Variants in ALPK3 observed in about 807,000 individuals in gnomAD.
The protein encoded by ALPK3 is alpha kinase 3.
ALPK3 carries 102 observed loss-of-function variants against 140.0 expected under a neutral mutation model. That is an observed-to-expected ratio of 0.73 (90% CI 0.62 to 0.86). The LOEUF (loss-of-function observed/expected upper bound fraction) is 0.86, where lower values mean the gene tolerates loss of function less well. Among genes scored for constraint, ALPK3 ranks in the 40% least tolerant of loss-of-function variants. The pLI, the probability that ALPK3 is intolerant of heterozygous loss-of-function variation, is 0.00. For missense variants in ALPK3, 2,254 were observed against 2,208.2 expected, an observed-to-expected ratio of 1.02 and a Z score of -0.42; for synonymous variants, 938 against 898.5, an observed-to-expected ratio of 1.04 and a Z score of -0.79.
intron 13 of ALPK3, among the ~76,000 whole-genome samples, chr15:84,867,666 G>A (rs760633836): frequency 3.7e-4 from 56 of 152,140 alleles, no homozygotes; most frequent in Non-Finnish European, 1.6e-4. Flanking sequence ...GTCCTGTGAT[G>A]AGAGTGCGGA....
Position 84,857,849 on chromosome 15 carries a change from C to T in ALPK3, c.3111C>T (p.Ser1037=). ...AQTLLLSPCT[S]RRLTGLLDRE... is the part of the protein sequence containing the mutation. ...CCCTGCTGCTGAGCCCCTGTACCTC[C>T]CGCCGCCTCACCGGCCTCCTGGACC... The change falls in exon 6 of 14, where the codon TCC becomes TCT. Residue 1037 remains serine, a synonymous_variant. Coordinates refer to ENST00000258888, the MANE Select transcript of ALPK3 (RefSeq NM_020778.5). 6.2e-7 allele frequency: 1 copy of T among 1,611,954 alleles called. No individual in the cohort carries two copies. Among genetic ancestry groups the T allele is most frequent in the Middle Eastern group, 1.7e-4 (1 of 6,052 alleles).
Position 84,857,107 on chromosome 15 carries a change from T to C in ALPK3, c.2369T>C (p.Val790Ala). 6.2e-7 allele frequency: 1 copy of C among 1,614,150 alleles called. No homozygotes were observed. The highest frequency in any genetic ancestry group is 1.1e-5 in the South Asian group (1 of 91,082). ...VTASRNHEQT[V>A]LGPLSGNLML... ...GCCTCCAGGAACCATGAGCAAACTG[T>C]GCTGGGTCCCCTGTCAGGGAACCTC... The change falls in exon 6 of 14, where the codon GTG (valine) becomes GCG (alanine). Residue 790 changes from valine to alanine, a missense_variant. Val to Ala is a moderately conservative substitution (Grantham distance 64, BLOSUM62 0). Around this residue, in one of 3 missense-constraint regions of ALPK3, gnomAD observed 2,088 missense variants for 2,022.9 expected, o/e 1.03. Coordinates refer to ENST00000258888, the MANE Select transcript of ALPK3 (RefSeq NM_020778.5).
chr15:84,832,032 C>A (rs1253611757), intron 3 of ALPK3, among the ~76,000 whole-genome samples: 1 of 152,142 alleles, frequency 6.6e-6, no homozygotes, highest in Non-Finnish European at 1.5e-5. Flanking sequence ...ACTCTCAGGG[C>A]AGATTTTTAC....
Position 84,859,915 on chromosome 15 carries a change from C to T in ALPK3, c.4093+12C>T. The T allele has an allele frequency of 1.2e-6, 2 of 1,613,926 alleles. No individual in the cohort carries two copies. The highest frequency in any genetic ancestry group is 1.7e-6 in the Non-Finnish European group (2 of 1,179,994). ...CCTCAGCCCTGAGGGTGAGTGTGCC[C>T]CGCGGCCCGGGGTCTCAGCCTGGCC... On this transcript the variant is annotated intron_variant, in intron 8 of 13. Transcript: ENST00000258888.
Position 84,817,512 on chromosome 15 carries a change from G to C in ALPK3, c.60G>C (p.Gly20=), listed in dbSNP as rs1447968795. Residue 20 remains glycine, a synonymous_variant, in exon 1 of 14, where the codon GGG becomes GGC. Coordinates refer to ENST00000258888, the MANE Select transcript of ALPK3 (RefSeq NM_020778.5). ...GWGAGGRSGA[G]GDGEDDGPVW... The stretch of plus-strand genomic sequence containing the variant: ...GCGCGGGTGGGCGGTCGGGGGCGGG[G>C]GGCGACGGTGAGGACGACGGCCCCG... 1.4e-6 allele frequency: 2 copies of C among 1,477,280 alleles called. No individual in the cohort carries two copies. Among genetic ancestry groups the C allele is most frequent in the South Asian group, 1.3e-5 (1 of 78,644 alleles). The allele number at this position is 1,477,280 out of a possible 1,614,324, so 91.5% of individuals were successfully genotyped here. A position where few individuals can be genotyped will look rare whatever the true frequency, so the allele number is the denominator to read the frequency against.
intron 3 of ALPK3, among the ~76,000 whole-genome samples, chr15:84,832,825 G>A (rs1468579373): frequency 2.0e-5 from 3 of 152,212 alleles, no homozygotes; most frequent in Non-Finnish European, 4.4e-5. Flanking sequence ...AACAGCGGCT[G>A]CAGTGGGGAC....
At position 84,859,148 on chromosome 15, in the gene ALPK3, T is replaced by G. The variant is rs1963906490; in HGVS notation, c.3818-95T>G. Reference sequence around the variant, plus strand: ...GTCTGTGTGGAGACTTGAATCCTGTTTTCTCCCAGCCTTTTCCACCAAGGA... The same window carrying G: ...GTCTGTGTGGAGACTTGAATCCTGTGTTCTCCCAGCCTTTTCCACCAAGGA... On this transcript the variant is annotated intron_variant, in intron 6 of 13. Transcript: ENST00000258888. 3.9e-6 allele frequency: 6 copies of G among 1,533,680 alleles called. No homozygotes were observed. In the East Asian group the frequency reaches 1.4e-4, roughly 35 times the overall value.
rs758116902 is a variant in ALPK3 at position 84,857,070 on chromosome 15, G to A, written c.2332G>A (p.Ala778Thr). Residue 778 changes from alanine to threonine, a missense_variant, in exon 6 of 14, where the codon GCA becomes ACA. This residue lies in a region of ALPK3 where 2,088 missense variants were observed against 2,022.9 expected (regional missense o/e 1.03). Coordinates refer to ENST00000258888, the MANE Select transcript of ALPK3 (RefSeq NM_020778.5). ...TGGTTGCCTGCCCAGATCTGAGGAGGCAGTAGTAACAGCCTCCAGGAACCA... is the reference window on the plus strand; with the variant it reads ...TGGTTGCCTGCCCAGATCTGAGGAGACAGTAGTAACAGCCTCCAGGAACCA... ...KPGCLPRSEEAVVTASRNHEQ... is the reference protein window; with the variant it reads ...KPGCLPRSEETVVTASRNHEQ... 1.2e-6 allele frequency: 2 copies of A among 1,614,174 alleles called. No individual in the cohort carries two copies. The highest frequency in any genetic ancestry group is 2.2e-5 in the South Asian group (2 of 91,080).
chr15:84,858,983 C>G (rs1000774457), intron 6 of ALPK3, among the ~76,000 whole-genome samples: 23 of 152,174 alleles, frequency 1.5e-4, no homozygotes, highest in African/African-American at 5.6e-4. Context: ...CAACTGCTGT[C>G]TGCGTCCTCA....
intron 6 of ALPK3, 34 bp downstream of exon 6, chr15:84,858,589 A>G (rs1366334607): frequency 3.2e-6 from 5 of 1,538,688 alleles, no homozygotes; most frequent in East Asian, 2.3e-5. Flanking sequence ...ATGGCTTCAC[A>G]GGACAGGGCC....
chr15:84,840,067 T>G lies in ALPK3; in HGVS notation c.788T>G (p.Leu263Trp), dbSNP rs200829097. The G allele has an allele frequency of 6.2e-7, 1 of 1,613,892 alleles. No individual in the cohort carries two copies. The highest frequency in any genetic ancestry group is 8.5e-7 in the Non-Finnish European group (1 of 1,179,972). Reference sequence around the variant, plus strand: ...ACTGAGACTGCTCAGCACTCAGGTTTGGGCCTGATCAACAGTTTTGCTTCT... The same window carrying G: ...ACTGAGACTGCTCAGCACTCAGGTTGGGGCCTGATCAACAGTTTTGCTTCT... ...GETETAQHSG[L>W]GLINSFASGE... The change falls in exon 5 of 14, where the codon TTG (leucine) becomes TGG (tryptophan). Residue 263 changes from leucine to tryptophan, a missense_variant. Physicochemically the swap from Leu to Trp is moderately conservative, Grantham distance 61. This residue lies in a region of ALPK3 where 2,088 missense variants were observed against 2,022.9 expected (regional missense o/e 1.03). Transcript: ENST00000258888.
At chr15:84,838,703 T>C (rs1963622355) in intron 3 of ALPK3, among the ~76,000 whole-genome samples, 1 of 151,276 alleles carries the variant, frequency 6.6e-6, no homozygotes, top group African/African-American at 2.4e-5. Flanking sequence ...CACTGCAACC[T>C]CGGACTCCTG....
At chr15:84,862,488 A>T in intron 9 of ALPK3, 147 bp from the exon 10 acceptor site, 1 of 925,770 alleles carries the variant, frequency 1.1e-6, no homozygotes, top group Non-Finnish European at 1.6e-6. Flanking sequence ...GTGGGGACTT[A>T]ATGTGCCCAA....
chr15:84,851,813 A>G (rs561305655), intron 5 of ALPK3, among the ~76,000 whole-genome samples: 8 of 152,368 alleles, frequency 5.3e-5, no homozygotes, highest in Non-Finnish European at 1.2e-4. Flanking sequence ...ACAGTGCTGC[A>G]GTATATATCC....
At chr15:84,848,260 T>C (rs1963759380) in intron 5 of ALPK3, among the ~76,000 whole-genome samples, 1 of 150,786 alleles carries the variant, frequency 6.6e-6, no homozygotes, top group Admixed American at 6.6e-5. Flanking sequence ...AAAAAAAAAA[T>C]TACATTGCTG....
chr15:84,868,573 A>G lies in ALPK3; in HGVS notation c.*117A>G. On this transcript the variant is annotated 3_prime_UTR_variant, in exon 14 of 14. Transcript: ENST00000258888. ...GGAGAAGGTGCACGAAGGAGACACC[A>G]CTTGGGGACCTCTCTGAGCAGGCTC... 9.9e-7 allele frequency: 1 copy of G among 1,012,564 alleles called. No homozygotes were observed. Among genetic ancestry groups the G allele is most frequent in the Non-Finnish European group, 1.4e-6 (1 of 712,376 alleles). The allele number at this position is 1,012,564 out of a possible 1,614,324, so 62.7% of individuals were successfully genotyped here.
In ALPK3 at chr15:84,861,692, A is replaced by G. The variant is rs1037194014; in HGVS notation, c.4130-943A>G. Among the ~76,000 whole-genome samples, 10 of 152,168 alleles carry G rather than the reference A, an allele frequency of 6.6e-5. No individual in the cohort carries two copies. In the East Asian group the frequency reaches 1.9e-3, roughly 29 times the overall value. ...TTTTTTCTGTAAAAAAGGGATGATT[A>G]TTTGGTTATCCCAATACGTTAAGTT... is the stretch of plus-strand genomic sequence containing the variant. On this transcript the variant is annotated intron_variant, in intron 9 of 13. Transcript: ENST00000258888.
rs1567097012 is a variant in ALPK3, at chr15:84,870,032, G to T, written c.*1576G>T. The T allele has an allele frequency of 6.6e-6, 1 of 152,190 alleles. No individual in the cohort carries two copies. The highest frequency in any genetic ancestry group is 1.5e-5 in the Non-Finnish European group (1 of 68,070). The allele number at this position is 152,190 out of a possible 1,614,324, so 9.4% of individuals were successfully genotyped here. ...GAGGAACACAAAGGAAGCCACCCAG[G>T]AAGGAAGCACAGAGCTGGGGGCTCT... On this transcript the variant is annotated 3_prime_UTR_variant, in exon 14 of 14. Transcript: ENST00000258888.
At chr15:84,867,458 G>A in intron 13 of ALPK3, 93 bp downstream of exon 13, 1 of 1,464,048 alleles carries the variant, frequency 6.8e-7, no homozygotes, top group Non-Finnish European at 9.5e-7. Flanking sequence ...CTGAGGTGCT[G>A]GGCCTGGGGC....
Sources: gnomAD v4.1 joint callset for allele counts (sites outside exome capture counted in the v4.1 genomes callset) on GRCh38, gnomAD v4.1.1 for gene constraint, gnomAD v4.1.1 regional missense constraint, MANE v1.5 for transcripts, NCBI Gene and HGNC (gene_info 2026-07-23, HGNC 2026-07-21) for gene names.